The following GFPT1 variants were observed in gnomAD, a reference collection of about 807,000 sequenced individuals.
GFPT1 encodes the protein glutamine--fructose-6-phosphate aminotransferase [isomerizing] 1.
GFPT1 carries 40 observed loss-of-function variants against 92.0 expected under a neutral mutation model. The observed-to-expected ratio is 0.43, with a 90% confidence interval of 0.34 to 0.57. The LOEUF is 0.57. Ranked by LOEUF, GFPT1 falls within the 20% of genes least tolerant of loss-of-function variation. The pLI, the probability that GFPT1 is intolerant of heterozygous loss-of-function variation, is 0.02. For missense variants in GFPT1, 448 were observed against 869.1 expected, an observed-to-expected ratio of 0.52 and a Z score of 6.09; for synonymous variants, 269 against 280.6, an observed-to-expected ratio of 0.96 and a Z score of 0.41.
At chr2:69,350,257 C>A in intron 9 of GFPT1, 74 bp from the exon 10 acceptor site, 1 of 964,130 alleles carries the variant, frequency 1.0e-6, no homozygotes, top group South Asian at 1.4e-5. Context: ...GCATAATATT[C>A]TATAAAATCA....
intron 17 of GFPT1, 86 bp downstream of exon 17, chr2:69,329,211 A>G: frequency 4.5e-6 from 6 of 1,327,862 alleles, no homozygotes; most frequent in South Asian, 3.5e-5. Flanking sequence ...AGTTCTACCT[A>G]TTTCATTCAT....
intron 1 of GFPT1, among the ~76,000 whole-genome samples, chr2:69,380,279 G>A (rs1040039489): frequency 6.6e-6 from 1 of 152,158 alleles, no homozygotes; most frequent in African/African-American, 2.4e-5. Context: ...GGGGCAGAGG[G>A]TGAAGTGGGC....
intron 9 of GFPT1, among the ~76,000 whole-genome samples, chr2:69,352,867 G>A (rs1002929870): frequency 1.2e-4 from 18 of 151,338 alleles, no homozygotes; most frequent in South Asian, 2.1e-4. Context: ...CCAAAATGGC[G>A]AAACCCCGTC....
chr2:69,376,927 C>A (rs899577779), intron 1 of GFPT1, among the ~76,000 whole-genome samples: 3 of 151,640 alleles, frequency 2.0e-5, no homozygotes, highest in Admixed American at 6.6e-5. Context: ...AAGATTAATG[C>A]GGCAGGGCTG....
intron 1 of GFPT1, among the ~76,000 whole-genome samples, chr2:69,381,036 G>A (rs1671996548): frequency 6.6e-6 from 1 of 151,850 alleles, no homozygotes; most frequent in African/African-American, 2.4e-5. Context: ...CTGGAGGGCA[G>A]TGGCGCTATC....
rs1670393847 is a variant in GFPT1 at position 69,321,120 on chromosome 2, T to G, written c.*5069A>C. ...AACTTTAGATTGTCTTGCTACTCAC[T>G]GACCTTAAATATTATCCTTTCTTTT... On this transcript the variant is annotated 3_prime_UTR_variant, in exon 20 of 20. Transcript: ENST00000357308. The G allele has an allele frequency of 6.6e-6, 1 of 152,268 alleles. No individual in the cohort carries two copies. 9.4% of individuals were successfully genotyped at this position (152,268 alleles called of 1,614,324 possible).
At chr2:69,374,390 G>A (rs1053856160) in intron 1 of GFPT1, among the ~76,000 whole-genome samples, 3 of 150,836 alleles carry the variant, frequency 2.0e-5, no homozygotes, top group Admixed American at 6.6e-5. Flanking sequence ...CTCGGCTCAC[G>A]GCAAGCTCCG....
rs201322234 is a variant in GFPT1 at position 69,363,563 on chromosome 2, G to A, written c.331C>T (p.Arg111Cys). The A allele has an allele frequency of 5.6e-5, 91 of 1,613,956 alleles. No individual in the cohort carries two copies. The Admixed American group carries it at 1.0e-3, about 18-fold the overall frequency. The stretch of plus-strand genomic sequence containing the variant: ...TCCATACCATTATTTTTATCAGAGC[G>A]CTGGGGGTGGCTATTGACAGGACTG... ...EPSPVNSHPQ[R>C]SDKNNEFIVI... is the part of the protein sequence containing the mutation. The change falls in exon 4 of 20, where the codon CGC (arginine) becomes TGC (cysteine). Residue 111 changes from arginine to cysteine, a missense_variant. Around this residue, in one of 7 missense-constraint regions of GFPT1, gnomAD observed 118 missense variants for 192.9 expected, o/e 0.61. Coordinates refer to ENST00000357308, the MANE Select transcript of GFPT1 (RefSeq NM_001244710.2).
chr2:69,325,977 C>A lies in GFPT1; in HGVS notation c.*212G>T. ...CTGATACAGATTCCAATATAGATTCCATTATTCAAAGTCCTCCACAAATTA... is the reference window on the plus strand; with the variant it reads ...CTGATACAGATTCCAATATAGATTCAATTATTCAAAGTCCTCCACAAATTA... On this transcript the variant is annotated 3_prime_UTR_variant, in exon 20 of 20. Coordinates refer to ENST00000357308, the MANE Select transcript of GFPT1 (RefSeq NM_001244710.2). 1.9e-6 allele frequency: 1 copy of A among 528,066 alleles called. No individual in the cohort carries two copies. The highest frequency in any genetic ancestry group is 2.8e-5 in the South Asian group (1 of 35,962). The allele number at this position is 528,066 out of a possible 1,614,324, so 32.7% of individuals were successfully genotyped here. A position where few individuals can be genotyped will look rare whatever the true frequency, so the allele number is the denominator to read the frequency against.
At position 69,329,422 on chromosome 2, in the gene GFPT1, A is replaced by T. The variant is rs779290818; in HGVS notation, c.1600T>A (p.Leu534Met). Residue 534 changes from leucine to methionine, a missense_variant and splice_region_variant, in exon 17 of 20, where the codon TTG becomes ATG. Coordinates refer to ENST00000357308, the MANE Select transcript of GFPT1 (RefSeq NM_001244710.2). Reference sequence around the variant, plus strand: ...TCCATGCTCAGTACTTCCTTAATCAAATCTAAGAAGTAATATTAGCAAAAA... The same window carrying T: ...TCCATGCTCAGTACTTCCTTAATCATATCTAAGAAGTAATATTAGCAAAAA... Reference protein sequence around the residue: ...IMLGLKRLPDLIKEVLSMDDE... With the variant: ...IMLGLKRLPDMIKEVLSMDDE... 5.0e-6 allele frequency: 8 copies of T among 1,601,824 alleles called. No homozygotes were observed. In the East Asian group the frequency reaches 1.1e-4, roughly 22 times the overall value.
chr2:69,379,287 G>A lies in GFPT1; in HGVS notation c.8-5174C>T, dbSNP rs149694315. 2.1e-3 allele frequency among the ~76,000 whole-genome samples: 315 copies of A among 152,084 alleles called. 1 individual carries two copies. The highest frequency in any genetic ancestry group is 3.0e-3 in the Non-Finnish European group (207 of 67,990). On this transcript the variant is annotated intron_variant, in intron 1 of 19. Transcript: ENST00000357308. ...AGATACCTGTAATCCCAGCACTTTC[G>A]TAGGCCAAGGCGGGAGGATCATGGG...
intron 3 of GFPT1, among the ~76,000 whole-genome samples, chr2:69,369,452 T>C (rs2104678568): frequency 6.6e-6 from 1 of 152,334 alleles, no homozygotes; most frequent in South Asian, 2.1e-4. Context: ...GTAAGAATAA[T>C]GTTATGATCT....
At chr2:69,364,714 T>A (rs1402248517) in intron 3 of GFPT1, among the ~76,000 whole-genome samples, 1 of 152,146 alleles carries the variant, frequency 6.6e-6, no homozygotes, top group Non-Finnish European at 1.5e-5. Context: ...GTAGCTGATT[T>A]GTCCAGATGT....
At chr2:69,350,313 G>A in intron 9 of GFPT1, 130 bp from the exon 10 acceptor site, 1 of 689,242 alleles carries the variant, frequency 1.5e-6, no homozygotes, top group Non-Finnish European at 2.6e-6. Flanking sequence ...AATTTAAAAA[G>A]CCAAGTAGAT....
In GFPT1 at chr2:69,363,673, G is replaced by A. The variant is rs1671536068; in HGVS notation, c.224-3C>T. On this transcript the variant is annotated splice_polypyrimidine_tract_variant and splice_region_variant and intron_variant, in intron 3 of 19. Transcript: ENST00000357308. ...ATCCAAATCCATATCTTGTTGCTCT[G>A]AAGAATATGAAAAGAAAAATTTCAA... 1 of 1,594,968 alleles carries A rather than the reference G, an allele frequency of 6.3e-7. No homozygotes were observed. The highest frequency in any genetic ancestry group is 1.3e-5 in the African/African-American group (1 of 74,544).
At chr2:69,378,586 C>A (rs1007690994) in intron 1 of GFPT1, among the ~76,000 whole-genome samples, 9 of 152,172 alleles carry the variant, frequency 5.9e-5, no homozygotes, top group Admixed American at 5.9e-4. Flanking sequence ...ATTATGAGCA[C>A]CTTGCTAACA....
At chr2:69,364,571 A>G (rs763512136) in intron 3 of GFPT1, among the ~76,000 whole-genome samples, 9 of 152,382 alleles carry the variant, frequency 5.9e-5, no homozygotes, top group Non-Finnish European at 1.2e-4. Context: ...GTGAGTGTAC[A>G]CACGTCTCAC....
intron 15 of GFPT1, among the ~76,000 whole-genome samples, chr2:69,337,060 ATTT>A (rs376497924): frequency 1.4e-4 from 17 of 118,494 alleles, no homozygotes; most frequent in African/African-American, 2.8e-4. Context: ...CAAATTTTAA[ATTT>A]TTTTTTTTTT....
At chr2:69,355,838 T>C (rs1671322798) in intron 7 of GFPT1, among the ~76,000 whole-genome samples, 1 of 152,196 alleles carries the variant, frequency 6.6e-6, no homozygotes, top group Non-Finnish European at 1.5e-5. Flanking sequence ...TCTAGGAATC[T>C]GTCTAGAATA....
Sources: gnomAD v4.1 joint callset for allele counts (sites outside exome capture counted in the v4.1 genomes callset) on GRCh38, gnomAD v4.1.1 for gene constraint, gnomAD v4.1.1 regional missense constraint, MANE v1.5 for transcripts, NCBI Gene and HGNC (gene_info 2026-07-23, HGNC 2026-07-21) for gene names.